ADAMTS17: variants seen among roughly 807,000 people sequenced by gnomAD.
ADAMTS17 encodes A disintegrin and metalloproteinase with thrombospondin motifs 17.
Under a neutral mutation model 141.5 loss-of-function variants are expected in ADAMTS17, and 113 were observed. That is an observed-to-expected ratio of 0.80 (90% CI 0.69 to 0.93). The LOEUF is 0.93. Ranked by LOEUF, ADAMTS17 falls within the 40% of genes least tolerant of loss-of-function variation. The pLI is 0.00. For synonymous variants in ADAMTS17, 768 were observed against 630.6 expected, an observed-to-expected ratio of 1.22 and a Z score of -3.27; for missense variants, 1,659 against 1,517.9, an observed-to-expected ratio of 1.09 and a Z score of -1.54.
intron 18 of ADAMTS17, among the ~76,000 whole-genome samples, chr15:100,034,111 G>A (rs1371887325): frequency 1.3e-5 from 2 of 152,256 alleles, no homozygotes; most frequent in African/African-American, 4.8e-5. Context: ...TGAGCCCACA[G>A]TGCCTTGACC....
intron 3 of ADAMTS17, among the ~76,000 whole-genome samples, chr15:100,282,142 T>C (rs768486688): frequency 5.5e-4 from 83 of 152,234 alleles, no homozygotes; most frequent in Non-Finnish European, 9.8e-4. Flanking sequence ...TCTTTGTACA[T>C]GGAAACATCT....
chr15:100,146,789 G>GC (rs1445634300), intron 10 of ADAMTS17, among the ~76,000 whole-genome samples: 1 of 38,606 alleles, frequency 2.6e-5, no homozygotes, highest in Non-Finnish European at 7.9e-5. Context: ...TCTATAGATG[G>GC]CCCCCCTGGG....
At chr15:100,245,146 G>A (rs569525416) in intron 7 of ADAMTS17, among the ~76,000 whole-genome samples, 3 of 152,222 alleles carry the variant, frequency 2.0e-5, no homozygotes, top group South Asian at 2.1e-4. Context: ...CTGAAGCTGT[G>A]GAAGAATGAC....
chr15:100,033,048 T>C (rs2030338898), intron 18 of ADAMTS17, among the ~76,000 whole-genome samples: 1 of 152,206 alleles, frequency 6.6e-6, no homozygotes, highest in Non-Finnish European at 1.5e-5. Context: ...AGTATTGTTT[T>C]GAGAGAAAAA....
intron 18 of ADAMTS17, among the ~76,000 whole-genome samples, chr15:100,014,620 G>A (rs991216534): frequency 6.6e-6 from 1 of 152,020 alleles, no homozygotes; most frequent in African/African-American, 2.4e-5. Flanking sequence ...TTTTTGACCC[G>A]ATGCTCATTC....
intron 3 of ADAMTS17, among the ~76,000 whole-genome samples, chr15:100,293,810 A>G (rs1457916101): frequency 6.6e-6 from 1 of 152,232 alleles, no homozygotes; most frequent in African/African-American, 2.4e-5. Context: ...GTAATTCAAT[A>G]GGCATAGTTA....
intron 3 of ADAMTS17, among the ~76,000 whole-genome samples, chr15:100,286,453 A>G (rs2044451748): frequency 6.6e-6 from 1 of 152,104 alleles, no homozygotes; most frequent in Non-Finnish European, 1.5e-5. Context: ...GACCGGGAAC[A>G]CCTCAGCCTC....
chr15:99,975,454 C>G (rs1472062688), intron 21 of ADAMTS17, among the ~76,000 whole-genome samples: 1 of 152,166 alleles, frequency 6.6e-6, no homozygotes, highest in African/African-American at 2.4e-5. Flanking sequence ...AGGTGATCCA[C>G]CCATCTCGGC....
At chr15:100,056,795 T>G (rs1455260024) in intron 15 of ADAMTS17, among the ~76,000 whole-genome samples, 1 of 152,122 alleles carries the variant, frequency 6.6e-6, no homozygotes, top group Non-Finnish European at 1.5e-5. Context: ...CAGCCTATTT[T>G]GAGGGCCTCC....
At chr15:100,316,046 G>GATC (rs1362938727) in intron 3 of ADAMTS17, among the ~76,000 whole-genome samples, 1 of 152,246 alleles carries the variant, frequency 6.6e-6, no homozygotes, top group African/African-American at 2.4e-5. Flanking sequence ...ATATGGCATA[G>GATC]ATCAACAGGT....
Position 100,053,800 on chromosome 15 carries a change from G to GC in ADAMTS17, c.2295+96dup, listed in dbSNP as rs1399243979. 4 of 1,584,032 alleles carry GC rather than the reference G, an allele frequency of 2.5e-6. No homozygotes were observed. In the Admixed American group the frequency reaches 5.0e-5, roughly 20 times the overall value. ...CCCCTGGAAGCCAGATGCATTTCCT[G>GC]CCCCCGAGGTCCCAGGCAGAAGTAA... On this transcript the variant is annotated intron_variant, in intron 16 of 21. Coordinates refer to ENST00000268070, the MANE Select transcript of ADAMTS17 (RefSeq NM_139057.4).
intron 12 of ADAMTS17, chr15:100,129,533 C>G (rs190760213): frequency 6.6e-6 from 1 of 152,374 alleles, no homozygotes; most frequent in Non-Finnish European, 1.5e-5. Flanking sequence ...CACCTCAGGT[C>G]AGGAGTTTGA....
chr15:100,062,420 G>A (rs1038616465), intron 15 of ADAMTS17, among the ~76,000 whole-genome samples: 1 of 152,186 alleles, frequency 6.6e-6, no homozygotes, highest in Non-Finnish European at 1.5e-5. Context: ...CTTCCCCAAG[G>A]CAGGTGTGCG....
chr15:100,284,104 TAAAC>T (rs150137293), intron 3 of ADAMTS17, among the ~76,000 whole-genome samples: 6,935 of 151,404 alleles, frequency 0.046, 270 homozygotes, highest in African/African-American at 0.1. Flanking sequence ...GATTCCATCT[TAAAC>T]AAACAAACAA....
chr15:100,249,156 C>G (rs1436831918), intron 7 of ADAMTS17, among the ~76,000 whole-genome samples: 7 of 152,154 alleles, frequency 4.6e-5, no homozygotes, highest in Non-Finnish European at 8.8e-5. Context: ...CCACCCAGTA[C>G]AGAGGAGTGT....
At chr15:100,302,770 G>T (rs144387826) in intron 3 of ADAMTS17, among the ~76,000 whole-genome samples, 1 of 152,300 alleles carries the variant, frequency 6.6e-6, no homozygotes, top group East Asian at 1.9e-4. Context: ...GATCCTGGGT[G>T]TGTCTGTGAG....
chr15:100,228,236 G>A (rs1246800363), intron 7 of ADAMTS17, among the ~76,000 whole-genome samples: 4 of 152,132 alleles, frequency 2.6e-5, no homozygotes, highest in East Asian at 1.9e-4. Context: ...TACCATCTCC[G>A]AAAGGCCTCA....
chr15:100,341,753 C>G, intron 1 of ADAMTS17, 68 bp downstream of exon 1: 1 of 1,508,428 alleles, frequency 6.6e-7, no homozygotes, highest in Non-Finnish European at 8.9e-7. Context: ...CGCCAGGACG[C>G]CGCGAGAACG....
intron 10 of ADAMTS17, among the ~76,000 whole-genome samples, chr15:100,145,136 C>G (rs548227448): frequency 1.3e-5 from 2 of 152,242 alleles, no homozygotes; most frequent in South Asian, 4.1e-4. Flanking sequence ...AACATACACA[C>G]ACATCCCCCA....
Sources: gnomAD v4.1 joint callset for allele counts (sites outside exome capture counted in the v4.1 genomes callset) on GRCh38, gnomAD v4.1.1 for gene constraint, MANE v1.5 for transcripts, NCBI Gene and HGNC (gene_info 2026-07-23, HGNC 2026-07-21) for gene names.